Variants in SGCD observed in about 807,000 individuals in gnomAD.
The protein encoded by SGCD is sarcoglycan delta.
In SGCD, 18 loss-of-function variants were observed where a neutral mutation model predicts 36.6. The observed-to-expected ratio is 0.49, with a 90% CI of 0.34 to 0.73. The LOEUF is 0.73. Among genes scored for constraint, SGCD ranks in the 30% least tolerant of loss-of-function variants. The pLI is 0.01. For synonymous variants in SGCD, 133 were observed against 130.6 expected (o/e 1.02, Z -0.12); for missense variants, 387 against 346.7 (o/e 1.12, Z -0.92).
intron 2 of SGCD, among the ~76,000 whole-genome samples, chr5:156,344,263 C>A (rs1768821915): frequency 6.6e-6 from 1 of 152,110 alleles, no homozygotes; most frequent in Admixed American, 6.6e-5. Context: ...GTGGCTGTAT[C>A]AGTGCACATC....
the SGCD span, among the ~76,000 whole-genome samples, chr5:155,848,963 G>T: frequency 6.6e-6 from 1 of 152,114 alleles, no homozygotes; most frequent in African/African-American, 2.4e-5. Context: ...ACTATTTTCA[G>T]TATTTTTGGT....
chr5:156,159,568 A>G (rs1027463881), intron 3 of SGCD, among the ~76,000 whole-genome samples: 3 of 151,626 alleles, frequency 2.0e-5, no homozygotes, highest in African/African-American at 7.3e-5. Flanking sequence ...GTAATAACCA[A>G]TTTTGGATAT....
rs186147608 is a variant in SGCD, at chr5:156,045,472, G to A, written c.-281-72406G>A. Among the ~76,000 whole-genome samples the A allele has an allele frequency of 1.8e-3, 279 of 152,150 alleles. 1 individual carries two copies. The highest frequency in any genetic ancestry group is 6.5e-3 in the African/African-American group (271 of 41,544). ...GAAATGTCCTTTAAGACTGACTTGC[G>A]TAAATCAGTATTCAATGCAGGACCA... is the stretch of plus-strand genomic sequence containing the variant. On this transcript the variant is annotated intron_variant, in intron 1 of 9. Transcript: ENST00000517913.
chr5:155,911,569 T>C (rs1756630533), intron 1 of SGCD, among the ~76,000 whole-genome samples: 1 of 152,026 alleles, frequency 6.6e-6, no homozygotes, highest in Non-Finnish European at 1.5e-5. Flanking sequence ...GAACTGCTTC[T>C]CCATCAGCCA....
intron 3 of SGCD, among the ~76,000 whole-genome samples, chr5:156,413,968 A>T (rs549713929): frequency 9.5e-4 from 144 of 152,294 alleles, no homozygotes; most frequent in Middle Eastern, 6.8e-3. Flanking sequence ...AAATGGTGGT[A>T]CAGAAGAGAT....
chr5:156,578,059 A>G (rs1284144146), intron 4 of SGCD, among the ~76,000 whole-genome samples: 3 of 152,194 alleles, frequency 2.0e-5, no homozygotes, highest in South Asian at 2.1e-4. Flanking sequence ...TTTGTCATAA[A>G]TAGCTCTTAT....
intron 3 of SGCD, among the ~76,000 whole-genome samples, chr5:156,496,767 C>T (rs1031676343): frequency 6.6e-6 from 1 of 152,188 alleles, no homozygotes; most frequent in East Asian, 1.9e-4. Flanking sequence ...GAAATATAGT[C>T]CTACACATGC....
chr5:156,187,988 GGGTGA>G (rs1417359222), intron 3 of SGCD, among the ~76,000 whole-genome samples: 2 of 152,164 alleles, frequency 1.3e-5, no homozygotes, highest in African/African-American at 4.8e-5. Flanking sequence ...GCTAAGATTA[GGGTGA>G]GGCAGTGAGG....
At chr5:156,314,699 T>C (rs1022547457) in intron 3 of SGCD, among the ~76,000 whole-genome samples, 2 of 151,966 alleles carry the variant, frequency 1.3e-5, no homozygotes, top group African/African-American at 4.8e-5. Context: ...AGGAAAATCA[T>C]AAGATTTTGG....
At chr5:156,153,300 G>A (rs532315979) in intron 3 of SGCD, among the ~76,000 whole-genome samples, 22 of 151,278 alleles carry the variant, frequency 1.5e-4, no homozygotes, top group Non-Finnish European at 1.5e-5. Flanking sequence ...TCTCTTGATG[G>A]ACTGTGTATG....
intron 3 of SGCD, among the ~76,000 whole-genome samples, chr5:156,297,913 C>T (rs1337319992): frequency 6.6e-6 from 1 of 151,482 alleles, no homozygotes; most frequent in African/African-American, 2.4e-5. Context: ...AGTAGCTATC[C>T]CCCGCCCACC....
intron 3 of SGCD, among the ~76,000 whole-genome samples, chr5:156,175,035 A>G (rs1197930529): frequency 6.6e-6 from 1 of 152,218 alleles, no homozygotes; most frequent in East Asian, 1.9e-4. Flanking sequence ...CTAGGGAAAG[A>G]GTAAGATTTA....
intron 3 of SGCD, among the ~76,000 whole-genome samples, chr5:156,177,641 A>C (rs4704986): frequency 0.59 from 89,851 of 151,904 alleles, 27,614 homozygotes; most frequent in East Asian, 0.94. Flanking sequence ...TAGTTTTGAC[A>C]AACATATCCC....
chr5:156,720,185 T>C (rs1346612156), intron 7 of SGCD, among the ~76,000 whole-genome samples: 4 of 152,148 alleles, frequency 2.6e-5, no homozygotes, highest in Non-Finnish European at 4.4e-5. Flanking sequence ...CGAGCATCAA[T>C]TCAACAAATG....
chr5:156,632,372 A>G (rs1208412281), intron 6 of SGCD, among the ~76,000 whole-genome samples: 2 of 152,186 alleles, frequency 1.3e-5, no homozygotes, highest in Non-Finnish European at 2.9e-5. Flanking sequence ...AAGGAAAGCT[A>G]AAGGATGTTG....
chr5:156,039,984 G>A (rs1358334494), intron 1 of SGCD, among the ~76,000 whole-genome samples: 1 of 152,174 alleles, frequency 6.6e-6, no homozygotes, highest in Non-Finnish European at 1.5e-5. Context: ...AGGAGCAGCA[G>A]GTTCCACACA....
chr5:156,167,961 T>C (rs1005172228), intron 3 of SGCD, among the ~76,000 whole-genome samples: 5 of 152,232 alleles, frequency 3.3e-5, no homozygotes, highest in Non-Finnish European at 7.3e-5. Context: ...CATTCATTAG[T>C]GCGTGACTTG....
chr5:156,689,752 A>T (rs1048172423), intron 7 of SGCD, among the ~76,000 whole-genome samples: 4 of 152,228 alleles, frequency 2.6e-5, no homozygotes, highest in African/African-American at 9.6e-5. Context: ...AGCAAAAGAC[A>T]GAAAGGATGG....
chr5:155,834,271 G>C, the SGCD span, among the ~76,000 whole-genome samples: 76,239 of 152,026 alleles, frequency 0.5, 19,471 homozygotes, highest in Admixed American at 0.66. Context: ...CACATAAAAA[G>C]TGCCCAATAA....
Sources: allele counts gnomAD v4.1 joint callset (sites outside exome capture counted in the v4.1 genomes callset), GRCh38; gene constraint gnomAD v4.1.1; transcripts MANE v1.5; gene names NCBI Gene and HGNC (gene_info 2026-07-23, HGNC 2026-07-21).